Variants in TENM1 observed in about 807,000 individuals in gnomAD.
TENM1 encodes the protein teneurin transmembrane protein 1, also known as teneurin-1.
Under a neutral mutation model 174.8 loss-of-function variants are expected in TENM1, and 35 were observed. The observed-to-expected ratio is 0.20, with a 90% CI of 0.15 to 0.27. TENM1 has a LOEUF of 0.27. Among genes scored for constraint, TENM1 ranks in the 10% least tolerant of loss-of-function variants. The pLI is 1.00. For missense variants in TENM1, 1,633 were observed against 2,130.1 expected, an observed-to-expected ratio of 0.77 and a Z score of 4.59; for synonymous variants, 781 against 798.7, an observed-to-expected ratio of 0.98 and a Z score of 0.37.
the TENM1 span, among the ~76,000 whole-genome samples, chrX:125,034,676 A>G: frequency 8.9e-6 from 1 of 112,342 alleles, no homozygotes; most frequent in African/African-American, 3.2e-5. Flanking sequence ...AAATATACAA[A>G]TGTTAACTTC....
At chrX:125,099,020 C>T in the TENM1 span, among the ~76,000 whole-genome samples, 10 of 112,006 alleles carry the variant, frequency 8.9e-5, no homozygotes, top group African/African-American at 2.6e-4. Context: ...AGGACATAAA[C>T]GTTTATTTCA....
the TENM1 span, among the ~76,000 whole-genome samples, chrX:125,039,825 C>CTTTTTTTT: frequency 9.0e-6 from 1 of 111,391 alleles, no homozygotes; most frequent in African/African-American, 3.3e-5. Context: ...TGAGCCTTTT[C>CTTTTTTTT]TTATTAACCT....
chrX:124,411,061 C>A (rs1212808668), intron 25 of TENM1, among the ~76,000 whole-genome samples: 1 of 112,292 alleles, frequency 8.9e-6, no homozygotes, highest in East Asian at 2.8e-4. Context: ...CCCAATGAAC[C>A]TTTGCAGTGA....
At chrX:124,763,897 G>T (rs1034862498) in intron 3 of TENM1, among the ~76,000 whole-genome samples, 2 of 112,164 alleles carry the variant, frequency 1.8e-5, no homozygotes, top group Admixed American at 1.9e-4. Context: ...TGTCACCTTG[G>T]ATTAGTTACC....
chrX:124,786,764 A>T (rs1231214760), intron 3 of TENM1, among the ~76,000 whole-genome samples: 1 of 111,539 alleles, frequency 9.0e-6, no homozygotes, highest in African/African-American at 3.3e-5. Flanking sequence ...GCAACTGTTT[A>T]TATGGACAAA....
chrX:125,060,117 A>C, the TENM1 span, among the ~76,000 whole-genome samples: 1 of 108,047 alleles, frequency 9.3e-6, no homozygotes, highest in Non-Finnish European at 1.9e-5. Flanking sequence ...AATTCCTTAT[A>C]ATCAATTTTT....
At chrX:124,995,857 T>C in the TENM1 span, among the ~76,000 whole-genome samples, 1 of 111,344 alleles carries the variant, frequency 9.0e-6, no homozygotes, top group African/African-American at 3.3e-5. Flanking sequence ...GACCTGGGTT[T>C]CTGAATTTTA....
intron 1 of TENM1, among the ~76,000 whole-genome samples, chrX:124,904,499 T>C (rs1399444388): frequency 8.9e-6 from 1 of 112,368 alleles, no homozygotes; most frequent in African/African-American, 3.2e-5. Flanking sequence ...TAGCTTAACA[T>C]AAAACAATGC....
At chrX:124,636,622 A>G (rs2050884213) in intron 11 of TENM1, among the ~76,000 whole-genome samples, 1 of 111,867 alleles carries the variant, frequency 8.9e-6, no homozygotes, top group African/African-American at 3.3e-5. Context: ...CTCCTTGTCT[A>G]ACTTTTCCTT....
intron 4 of TENM1, among the ~76,000 whole-genome samples, chrX:124,729,859 T>C (rs2053524548): frequency 9.0e-6 from 1 of 111,414 alleles, no homozygotes; most frequent in African/African-American, 3.3e-5. Context: ...AAGAGTATAT[T>C]CTATTTATTT....
At chrX:124,789,614 A>T (rs1603201741) in intron 3 of TENM1, among the ~76,000 whole-genome samples, 2 of 111,390 alleles carry the variant, frequency 1.8e-5, no homozygotes, top group East Asian at 5.7e-4. Flanking sequence ...CAGGGGCAAA[A>T]TGCTGCCAGT....
chrX:124,654,242 C>T (rs900989622), intron 6 of TENM1, among the ~76,000 whole-genome samples: 5 of 112,492 alleles, frequency 4.4e-5, no homozygotes, highest in Non-Finnish European at 7.5e-5. Flanking sequence ...CTATCTCTAT[C>T]CTCTTTATCT....
chrX:124,713,585 C>T (rs1482088658), intron 4 of TENM1, among the ~76,000 whole-genome samples: 1 of 112,323 alleles, frequency 8.9e-6, no homozygotes, highest in Non-Finnish European at 1.9e-5. Context: ...CCTTTTTAAA[C>T]CTTTCAGTGG....
At chrX:124,698,443 CCTT>C (rs1397987286) in intron 5 of TENM1, among the ~76,000 whole-genome samples, 1 of 111,177 alleles carries the variant, frequency 9.0e-6, no homozygotes, top group Non-Finnish European at 1.9e-5. Flanking sequence ...TCCATCTCCT[CCTT>C]CTCCATTACC....
intron 14 of TENM1, among the ~76,000 whole-genome samples, chrX:124,547,509 T>C (rs1199662529): frequency 8.9e-6 from 1 of 112,327 alleles, no homozygotes; most frequent in African/African-American, 3.2e-5. Flanking sequence ...AAGTACTTGC[T>C]ACCTGAATTT....
chrX:124,870,623 G>T (rs2057092474), intron 3 of TENM1, among the ~76,000 whole-genome samples: 1 of 110,420 alleles, frequency 9.1e-6, no homozygotes, highest in Non-Finnish European at 1.9e-5. Flanking sequence ...CAGCCACAGT[G>T]AAGTACCTAA....
intron 31 of TENM1, 141 bp downstream of exon 34, chrX:124,382,529 C>CGG: frequency 2.1e-6 from 1 of 465,752 alleles, no homozygotes; most frequent in Non-Finnish European, 3.3e-6. Context: ...TTTTTTATAC[C>CGG]TTCTCATTAA....
chrX:124,990,368 A>G, the TENM1 span, among the ~76,000 whole-genome samples: 1 of 113,004 alleles, frequency 8.8e-6, no homozygotes, highest in African/African-American at 3.2e-5. Flanking sequence ...TTTCAGCACC[A>G]TGCATCTTAT....
intron 1 of TENM1, among the ~76,000 whole-genome samples, chrX:124,947,358 C>T (rs1191900871): frequency 8.9e-6 from 1 of 111,837 alleles, no homozygotes; most frequent in East Asian, 2.8e-4. Flanking sequence ...TTATGAATGC[C>T]TTTCTACATA....
Sources: allele counts gnomAD v4.1 joint callset (sites outside exome capture counted in the v4.1 genomes callset), GRCh38; gene constraint gnomAD v4.1.1; transcripts MANE v1.5; gene names NCBI Gene and HGNC (gene_info 2026-07-23, HGNC 2026-07-21).